AHNAK: variants seen among roughly 807,000 people sequenced by gnomAD.
The protein encoded by AHNAK is AHNAK nucleoprotein, also known as neuroblast differentiation-associated protein AHNAK.
A neutral mutation model predicts 37.8 loss-of-function variants in AHNAK; 23 were observed. The ratio of observed to expected loss-of-function variants is 0.61; its 90% CI spans 0.44 to 0.86. The LOEUF is 0.86. Ranked by LOEUF, AHNAK falls within the 40% of genes least tolerant of loss-of-function variation. AHNAK has a pLI of 0.00. For synonymous variants in AHNAK, 2,481 were observed against 2,636.3 expected (o/e 0.94, Z 1.80); for missense variants, 7,411 against 7,319.4 (o/e 1.01, Z -0.46).
intron 4 of AHNAK, among the ~76,000 whole-genome samples, chr11:62,504,182 G>C (rs921243103): frequency 6.6e-6 from 1 of 151,962 alleles, no homozygotes; most frequent in Non-Finnish European, 1.5e-5. Context: ...GAGAGAGAGA[G>C]AGAAAGAAAA....
intron 5 of AHNAK, among the ~76,000 whole-genome samples, chr11:62,438,795 T>C (rs1432720230): frequency 1.3e-5 from 2 of 152,204 alleles, no homozygotes; most frequent in African/African-American, 4.8e-5. Flanking sequence ...CTTTATGTGG[T>C]ATCTTCCTCT....
In AHNAK at chr11:62,522,974, G is replaced by C. The variant is rs138735425; in HGVS notation, c.11443C>G (p.Pro3815Ala). ...PKVKMPKFSM[P>A]GFKGEGPDVD... ...TCTGGGCCCTCTCCTTTGAAGCCAG[G>C]CATGCTGAACTTGGGCATTTTCACC... is the stretch of plus-strand genomic sequence containing the variant. The change falls in exon 5 of 5, where the codon CCT becomes GCT. Residue 3815 changes from proline to alanine, a missense_variant. Coordinates refer to ENST00000378024, the MANE Select transcript of AHNAK (RefSeq NM_001620.3). The C allele has an allele frequency of 3.9e-5, 63 of 1,613,542 alleles. No individual in the cohort carries two copies. The African/African-American group carries it at 4.3e-4, about 11-fold the overall frequency.
At chr11:62,463,617 C>T (rs983800629) in intron 5 of AHNAK, among the ~76,000 whole-genome samples, 3 of 152,158 alleles carry the variant, frequency 2.0e-5, no homozygotes. Context: ...TGCGTGCTGT[C>T]AGGCCTGTTC....
chr11:62,508,350 G>A (rs1039112394), intron 4 of AHNAK, among the ~76,000 whole-genome samples: 7 of 152,098 alleles, frequency 4.6e-5, no homozygotes, highest in African/African-American at 1.4e-4. Flanking sequence ...CAATCGCTTC[G>A]CTTTTCCGAG....
chr11:62,469,683 G>C (rs1015926686), intron 5 of AHNAK, among the ~76,000 whole-genome samples: 1 of 151,992 alleles, frequency 6.6e-6, no homozygotes, highest in African/African-American at 2.4e-5. Flanking sequence ...GGCCAGGCTG[G>C]TCTTGAACTC....
At chr11:62,451,778 A>C (rs1206773917) in intron 5 of AHNAK, among the ~76,000 whole-genome samples, 1 of 148,612 alleles carries the variant, frequency 6.7e-6, no homozygotes. Context: ...GATAGATGGC[A>C]CTTCAGAGCT....
In AHNAK at chr11:62,516,822, A is replaced by G. The variant is rs1555029486; in HGVS notation, c.17595T>C (p.Ser5865=). ...CCTTATTCCCACTGTCATTGCTAGA[A>G]GAGGAGGACAGTCGGGACTTCTTAG... The part of the protein sequence containing the change: ...LASKKSRLSS[S]SSNDSGNKVG... Residue 5865 remains serine, a synonymous_variant, in exon 5 of 5, where the codon TCT becomes TCC. Coordinates refer to ENST00000378024, the MANE Select transcript of AHNAK (RefSeq NM_001620.3). 6.2e-7 allele frequency: 1 copy of G among 1,614,150 alleles called. No homozygotes were observed. The highest frequency in any genetic ancestry group is 1.1e-5 in the South Asian group (1 of 91,074).
intron 5 of AHNAK, among the ~76,000 whole-genome samples, chr11:62,447,093 G>A (rs1024797143): frequency 6.6e-6 from 1 of 152,106 alleles, no homozygotes; most frequent in Admixed American, 6.6e-5. Flanking sequence ...AGTCCACTAA[G>A]TGTCACATCT....
At chr11:62,451,227 T>G (rs1036891348) in intron 5 of AHNAK, among the ~76,000 whole-genome samples, 1 of 150,684 alleles carries the variant, frequency 6.6e-6, no homozygotes, top group Non-Finnish European at 1.5e-5. Flanking sequence ...ACCAACAACA[T>G]AATGTGTTTA....
chr11:62,506,945 C>T (rs1384021425), intron 4 of AHNAK, among the ~76,000 whole-genome samples: 1 of 152,128 alleles, frequency 6.6e-6, no homozygotes, highest in Admixed American at 6.5e-5. Flanking sequence ...CTGAAACCAG[C>T]CAAGCTGCCT....
chr11:62,451,243 C>T (rs901917688), intron 5 of AHNAK, among the ~76,000 whole-genome samples: 24 of 150,908 alleles, frequency 1.6e-4, no homozygotes, highest in African/African-American at 5.8e-4. Context: ...GTTTAGGAAC[C>T]CAAGACCAGA....
exon 6 of AHNAK, chr11:62,433,696 C>T (rs1565192271): frequency 1.5e-6 from 1 of 686,502 alleles, no homozygotes. Flanking sequence ...CAGCAGCCCT[C>T]GGTCTGGCCT....
chr11:62,506,051 G>A (rs1191964127), intron 4 of AHNAK, among the ~76,000 whole-genome samples: 1 of 147,550 alleles, frequency 6.8e-6, no homozygotes, highest in Non-Finnish European at 1.5e-5. Flanking sequence ...GGGGTGGGGG[G>A]ATGGTTAACA....
chr11:62,446,670 C>T (rs1015688308), intron 5 of AHNAK, among the ~76,000 whole-genome samples: 1 of 152,028 alleles, frequency 6.6e-6, no homozygotes, highest in Non-Finnish European at 1.5e-5. Flanking sequence ...TTGTCATCCA[C>T]CTTCCTGCCC....
At position 62,521,699 on chromosome 11, in the gene AHNAK, G is replaced by T. The variant is rs1940250638; in HGVS notation, c.12718C>A (p.Leu4240Ile). The T allele has an allele frequency of 6.2e-7, 1 of 1,613,988 alleles. No individual in the cohort carries two copies. The highest frequency in any genetic ancestry group is 8.5e-7 in the Non-Finnish European group (1 of 1,180,010). ...GGCATCTTGAATTTAGGGCCCTTTAGTTTCGCATCTGGACCTTCGATATTC... is the reference window on the plus strand; with the variant it reads ...GGCATCTTGAATTTAGGGCCCTTTATTTTCGCATCTGGACCTTCGATATTC... ...DVNIEGPDAK[L>I]KGPKFKMPEM... Residue 4240 changes from leucine to isoleucine, a missense_variant, in exon 5 of 5, where the codon CTA (leucine) becomes ATA (isoleucine). Transcript: ENST00000378024.
At chr11:62,500,355 G>A (rs1322841804) in intron 4 of AHNAK, among the ~76,000 whole-genome samples, 1 of 152,158 alleles carries the variant, frequency 6.6e-6, no homozygotes, top group African/African-American at 2.4e-5. Flanking sequence ...AAGGTACCTG[G>A]CTGCCCCACC....
In AHNAK at chr11:62,516,226, C is replaced by T; in HGVS notation, c.*518G>A. The T allele has an allele frequency of 7.8e-7, 1 of 1,289,280 alleles. No individual in the cohort carries two copies. Among genetic ancestry groups the T allele is most frequent in the South Asian group, 1.2e-5 (1 of 81,022 alleles). The allele number at this position is 1,289,280 out of a possible 1,614,324, so 79.9% of individuals were successfully genotyped here. On this transcript the variant is annotated 3_prime_UTR_variant, in exon 5 of 5. Transcript: ENST00000378024. ...CTAAAGAACCCTAAAAACACCCACA[C>T]ACCCTGACTACCACCACCTCTGGGC...
At chr11:62,474,216 G>T (rs1430685721) in intron 5 of AHNAK, among the ~76,000 whole-genome samples, 1 of 146,646 alleles carries the variant, frequency 6.8e-6, no homozygotes, top group African/African-American at 2.5e-5. Flanking sequence ...ACAGAGTCTC[G>T]CTCTGTTGCC....
intron 4 of AHNAK, among the ~76,000 whole-genome samples, chr11:62,503,254 G>A (rs1049101768): frequency 1.3e-5 from 2 of 152,190 alleles, no homozygotes; most frequent in African/African-American, 4.8e-5. Context: ...AGCCTCAGCG[G>A]ACACACAGGA....
Sources: allele counts gnomAD v4.1 joint callset (sites outside exome capture counted in the v4.1 genomes callset), GRCh38; gene constraint gnomAD v4.1.1; transcripts MANE v1.5; gene names NCBI Gene and HGNC (gene_info 2026-07-23, HGNC 2026-07-21).